GPR141: variants seen among roughly 807,000 people sequenced by gnomAD.
GPR141 encodes the protein probable G protein-coupled receptor 141.
GPR141 carries 6 observed loss-of-function variants against 6.8 expected under a neutral mutation model. That is an observed-to-expected ratio of 0.88 (90% CI 0.48 to 1.74). The LOEUF (loss-of-function observed/expected upper bound fraction) is 1.74. Among genes scored for constraint, GPR141 ranks in the 40% most tolerant of loss-of-function variants. The pLI is 0.01. For synonymous variants in GPR141, 140 were observed against 142.3 expected (o/e 0.98, Z 0.11); for missense variants, 372 against 372.9 (o/e 1.00, Z 0.02).
chr7:37,690,132 T>G (rs1458429003), intron 2 of GPR141, among the ~76,000 whole-genome samples: 1 of 152,226 alleles, frequency 6.6e-6, no homozygotes, highest in African/African-American at 2.4e-5. Flanking sequence ...GATATCCTTC[T>G]TAATTTCTTC....
intron 2 of GPR141, among the ~76,000 whole-genome samples, chr7:37,692,542 T>C (rs1809827224): frequency 6.6e-6 from 1 of 152,212 alleles, no homozygotes; most frequent in Non-Finnish European, 1.5e-5. Flanking sequence ...AAATGGCATT[T>C]CTGGTTCTAG....
rs760678080 is a variant in GPR141, at chr7:37,741,178, T to A, written c.785T>A (p.Val262Asp). The A allele has an allele frequency of 6.2e-7, 1 of 1,613,918 alleles. No homozygotes were observed. Residue 262 changes from valine (V) to aspartate (D), a missense_variant, in exon 3 of 3, where the codon GTT becomes GAT. By Grantham distance (152) the Val-to-Asp change is radical. Transcript: ENST00000334425. ...CATTCCAATGCCTGTAACAGCAAGG[T>A]TGCATTTTATAACGAAATCTTCTTG... is the stretch of plus-strand genomic sequence containing the variant. Reference protein sequence around the residue: ...VTHSNACNSKVAFYNEIFLSV... With the variant: ...VTHSNACNSKDAFYNEIFLSV...
rs2131870258 is a variant in GPR141 at position 37,740,673 on chromosome 7, A to G, written c.280A>G (p.Met94Val). ...GLPFCKFVSA[M>V]LHIHMYLTFL... ...GCCCTTCTGCAAATTTGTGAGTGCC[A>G]TGCTGCACATCCACATGTACCTCAC... is the stretch of plus-strand genomic sequence containing the variant. The change falls in exon 3 of 3, where the codon ATG becomes GTG. Residue 94 changes from methionine (M) to valine (V), a missense_variant. Met to Val is a conservative substitution (Grantham distance 21). Coordinates refer to ENST00000334425, the MANE Select transcript of GPR141 (RefSeq NM_001381946.1). 2 of 1,614,126 alleles carry G rather than the reference A, an allele frequency of 1.2e-6. No individual in the cohort carries two copies. The highest frequency in any genetic ancestry group is 2.2e-5 in the East Asian group (1 of 44,882).
At chr7:37,713,114 G>A (rs561933984) in intron 2 of GPR141, among the ~76,000 whole-genome samples, 136 of 152,300 alleles carry the variant, frequency 8.9e-4, no homozygotes, top group Non-Finnish European at 1.5e-3. Flanking sequence ...GCCAAACACA[G>A]GGTCAAGAGG....
chr7:37,720,230 G>A (rs1562781748), intron 2 of GPR141, among the ~76,000 whole-genome samples: 1 of 152,188 alleles, frequency 6.6e-6, no homozygotes, highest in Non-Finnish European at 1.5e-5. Flanking sequence ...ACTTTCAAAA[G>A]AGGGCCTGCC....
At chr7:37,715,673 T>C (rs1583551454) in intron 2 of GPR141, among the ~76,000 whole-genome samples, 1 of 152,198 alleles carries the variant, frequency 6.6e-6, no homozygotes, top group East Asian at 1.9e-4. Flanking sequence ...GGTTCAAAAT[T>C]TGATAGGAAA....
chr7:37,737,427 A>G (rs1011777492), intron 2 of GPR141, among the ~76,000 whole-genome samples: 1 of 152,224 alleles, frequency 6.6e-6, no homozygotes, highest in African/African-American at 2.4e-5. Context: ...CAGCAGTCCC[A>G]GAGGAACCAG....
chr7:37,709,517 T>G (rs1036927236), intron 2 of GPR141, among the ~76,000 whole-genome samples: 1 of 152,222 alleles, frequency 6.6e-6, no homozygotes, highest in Non-Finnish European at 1.5e-5. Context: ...TGATTGCTAT[T>G]AGTGATCTTG....
In GPR141 at chr7:37,742,837, C is replaced by T. The variant is rs777839016; in HGVS notation, c.*1526C>T. ...CTATGTAACAAACCTGCACATGTAC[C>T]CCTGAACTTAAAATAAAATTTAAAG... On this transcript the variant is annotated 3_prime_UTR_variant, in exon 3 of 3. Transcript: ENST00000334425. Among the ~76,000 whole-genome samples, 20 of 152,178 alleles carry T rather than the reference C, an allele frequency of 1.3e-4. No homozygotes were observed. The highest frequency in any genetic ancestry group is 9.8e-4 in the Admixed American group (15 of 15,280).
At chr7:37,716,029 T>C (rs997247997) in intron 2 of GPR141, among the ~76,000 whole-genome samples, 4 of 152,162 alleles carry the variant, frequency 2.6e-5, no homozygotes, top group African/African-American at 9.7e-5. Flanking sequence ...ATCCCATCCT[T>C]GGAGTTGAGA....
chr7:37,733,253 C>G (rs191633204), intron 2 of GPR141, among the ~76,000 whole-genome samples: 34 of 152,238 alleles, frequency 2.2e-4, no homozygotes, highest in Non-Finnish European at 4.0e-4. Context: ...TTATTATAAA[C>G]AGCTTGGGTC....
At position 37,740,912 on chromosome 7, in the gene GPR141, T is replaced by G; in HGVS notation, c.519T>G (p.Leu173=). 6.2e-7 allele frequency: 1 copy of G among 1,614,136 alleles called. No homozygotes were observed. Among genetic ancestry groups the G allele is most frequent in the Non-Finnish European group, 8.5e-7 (1 of 1,179,988 alleles). ...ACTGTTTTAAATTTCACAAAGAGCT[T>G]GCTTACACATATGTGAAAATCATCA... ...EEHCFKFHKE[L]AYTYVKIINY... is the part of the protein sequence containing the mutation. The change falls in exon 3 of 3, where the codon CTT becomes CTG. Residue 173 remains leucine (L), a synonymous_variant. Transcript: ENST00000334425.
Position 37,713,902 on chromosome 7 carries a change from C to T in GPR141, c.-14-26478C>T, listed in dbSNP as rs1301531847. 2.6e-5 allele frequency among the ~76,000 whole-genome samples: 4 copies of T among 152,248 alleles called. No individual in the cohort carries two copies. In the Middle Eastern group the frequency reaches 0.014, roughly 518 times the overall value. The stretch of plus-strand genomic sequence containing the variant: ...ATACTGCAGTATTGATTGAGCAATC[C>T]CCATTATGTAAACAAAACTGAACTC... On this transcript the variant is annotated intron_variant, in intron 2 of 2. Coordinates refer to ENST00000334425, the MANE Select transcript of GPR141 (RefSeq NM_001381946.1).
chr7:37,687,761 C>T (rs1031074853), intron 2 of GPR141, among the ~76,000 whole-genome samples: 7 of 152,094 alleles, frequency 4.6e-5, no homozygotes, highest in Non-Finnish European at 7.4e-5. Context: ...ACACTCCTCT[C>T]GCTTCGACTG....
chr7:37,732,044 T>TATTC (rs1811976311), intron 2 of GPR141, among the ~76,000 whole-genome samples: 1 of 148,368 alleles, frequency 6.7e-6, no homozygotes, highest in African/African-American at 2.4e-5. Context: ...TATTTTTATT[T>TATTC]ATTTATTTAT....
At chr7:37,698,435 G>A (rs767232340) in intron 2 of GPR141, among the ~76,000 whole-genome samples, 2 of 152,292 alleles carry the variant, frequency 1.3e-5, no homozygotes, top group Non-Finnish European at 2.9e-5. Context: ...ACGAGAACCT[G>A]TGTGTAGGGC....
intron 2 of GPR141, among the ~76,000 whole-genome samples, chr7:37,738,366 T>C (rs1418716410): frequency 6.6e-6 from 1 of 152,200 alleles, no homozygotes; most frequent in Non-Finnish European, 1.5e-5. Flanking sequence ...ACTAGGCCAA[T>C]AGCCAAAGGA....
At chr7:37,687,290 G>A (rs1370874992) in intron 2 of GPR141, among the ~76,000 whole-genome samples, 1 of 151,912 alleles carries the variant, frequency 6.6e-6, no homozygotes, top group Non-Finnish European at 1.5e-5. Flanking sequence ...CACTTCTTAG[G>A]GAAATTTAAG....
chr7:37,729,004 T>G (rs2709102), intron 2 of GPR141, among the ~76,000 whole-genome samples: 101,861 of 151,892 alleles, frequency 0.67, 34,773 homozygotes, highest in Middle Eastern at 0.77. Flanking sequence ...TACATTTGGG[T>G]CCTAGAGAAA....
Sources: allele counts gnomAD v4.1 joint callset (sites outside exome capture counted in the v4.1 genomes callset), GRCh38; gene constraint gnomAD v4.1.1; transcripts MANE v1.5; gene names NCBI Gene and HGNC (gene_info 2026-07-23, HGNC 2026-07-21).